AS3MT: variants seen among roughly 807,000 people sequenced by gnomAD.
AS3MT encodes arsenite methyltransferase.
AS3MT carries 47 observed loss-of-function variants against 45.3 expected under a neutral mutation model. The observed-to-expected ratio is 1.04, with a 90% CI of 0.82 to 1.32. The LOEUF (loss-of-function observed/expected upper bound fraction) is 1.32, where lower values mean the gene tolerates loss of function less well. Ranked by LOEUF, AS3MT falls within the 40% of genes most tolerant of loss-of-function variation. The pLI is 0.00. For missense variants in AS3MT, 396 were observed against 451.1 expected (o/e 0.88, Z 1.11); for synonymous variants, 141 against 152.8 (o/e 0.92, Z 0.57).
intron 10 of AS3MT, among the ~76,000 whole-genome samples, chr10:102,895,492 C>T (rs770012904): frequency 4.6e-5 from 7 of 152,050 alleles, no homozygotes; most frequent in East Asian, 3.9e-4. Flanking sequence ...TGAACTACCA[C>T]GCCCGGGTCT....
intron 7 of AS3MT, 73 bp downstream of exon 7, chr10:102,877,108 C>CTCATCCTGGCTATT: frequency 1.4e-6 from 2 of 1,397,778 alleles, no homozygotes; most frequent in Non-Finnish European, 2.0e-6. Flanking sequence ...TGCTAATAGC[C>CTCATCCTGGCTATT]AGGATGAGGC....
At position 102,872,505 on chromosome 10, in the gene AS3MT, T is replaced by A. The variant is rs1334678689; in HGVS notation, c.228T>A (p.Asp76Glu). The A allele has an allele frequency of 3.1e-6, 5 of 1,614,108 alleles. No individual in the cohort carries two copies. The highest frequency in any genetic ancestry group is 4.2e-6 in the Non-Finnish European group (5 of 1,179,986). Reference sequence around the variant, plus strand: ...ATCTAGAAAACTGCTGGATTTTGGATCTGGGTAGTGGAAGTGGCAGAGATT... The same window carrying A: ...ATCTAGAAAACTGCTGGATTTTGGAACTGGGTAGTGGAAGTGGCAGAGATT... ...PEHLENCWIL[D>E]LGSGSGRDCY... The change falls in exon 4 of 11, where the codon GAT becomes GAA. Residue 76 changes from aspartate (D) to glutamate (E), a missense_variant. Asp to Glu is a conservative substitution (Grantham distance 45). Coordinates refer to ENST00000369880, the MANE Select transcript of AS3MT (RefSeq NM_020682.4).
intron 10 of AS3MT, among the ~76,000 whole-genome samples, chr10:102,899,925 T>C (rs10883797): frequency 0.3 from 45,501 of 152,006 alleles, 7,061 homozygotes; most frequent in East Asian, 0.47. Flanking sequence ...CCTCGGCCTC[T>C]CAAAGTGCTG....
chr10:102,900,275 T>C (rs1462514471), intron 10 of AS3MT, among the ~76,000 whole-genome samples: 1 of 152,212 alleles, frequency 6.6e-6, no homozygotes, highest in South Asian at 2.1e-4. Flanking sequence ...CGTATCTCAG[T>C]TCCAAAGAGG....
chr10:102,878,053 T>G (rs564497260), intron 7 of AS3MT, among the ~76,000 whole-genome samples: 2 of 152,118 alleles, frequency 1.3e-5, no homozygotes, highest in East Asian at 3.9e-4. Context: ...GCTCGGCCTA[T>G]GATTTATTTT....
chr10:102,874,568 G>A (rs375086833), intron 5 of AS3MT, 24 bp from the exon 6 acceptor site: 16 of 1,544,100 alleles, frequency 1.0e-5, no homozygotes, highest in Middle Eastern at 1.7e-4. Flanking sequence ...AGATTTGCTC[G>A]ACATTTCATC....
chr10:102,882,591 T>G (rs905122605), intron 9 of AS3MT, among the ~76,000 whole-genome samples: 10 of 152,060 alleles, frequency 6.6e-5, no homozygotes, highest in Admixed American at 6.6e-5. Context: ...TTCTTATTTA[T>G]TTATTTATTT....
At chr10:102,876,832 G>A (rs1056895011) in intron 6 of AS3MT, 122 bp from the exon 7 acceptor site, 16 of 944,848 alleles carry the variant, frequency 1.7e-5, no homozygotes, top group Non-Finnish European at 2.6e-5. Flanking sequence ...GTTCACAAAG[G>A]GTCAGCTTAA....
At chr10:102,875,952 A>C (rs540953631) in intron 6 of AS3MT, among the ~76,000 whole-genome samples, 2 of 152,128 alleles carry the variant, frequency 1.3e-5, no homozygotes, top group Admixed American at 6.6e-5. Flanking sequence ...GATTTTTGAG[A>C]TTTTTGGTTT....
intron 10 of AS3MT, among the ~76,000 whole-genome samples, chr10:102,894,923 T>C (rs1398743039): frequency 6.6e-6 from 1 of 152,240 alleles, no homozygotes; most frequent in African/African-American, 2.4e-5. Flanking sequence ...TATGTATTGA[T>C]TGATGTCTTA....
chr10:102,879,053 T>A, intron 9 of AS3MT, 62 bp downstream of exon 9: 1 of 1,538,784 alleles, frequency 6.5e-7, no homozygotes, highest in Non-Finnish European at 8.8e-7. Flanking sequence ...GCTCCAGCTA[T>A]CTTTTCTTGA....
chr10:102,883,984 T>C (rs1402865187), intron 9 of AS3MT, among the ~76,000 whole-genome samples: 2 of 148,560 alleles, frequency 1.3e-5, no homozygotes, highest in East Asian at 1.9e-4. Context: ...TTATTTCTTT[T>C]TTTTTTTTTT....
At position 102,874,592 on chromosome 10, in the gene AS3MT, A is replaced by G; in HGVS notation, c.459A>G (p.Val153=). 1 of 1,599,202 alleles carries G rather than the reference A, an allele frequency of 6.3e-7. No homozygotes were observed. Residue 153 remains valine (V), a splice_region_variant and synonymous_variant, in exon 6 of 11, where the codon GTA becomes GTG. Transcript: ENST00000369880. ...CGACATTTCATCTGTTCTCTTTTAG[A>G]TCAAACTGTGTTATTAACCTTGTGC... ...GIKNESHDIV[V]SNCVINLVPD...
rs900245087 is a variant in AS3MT at position 102,885,120 on chromosome 10, A to G, written c.886-5424A>G. Among the ~76,000 whole-genome samples the G allele has an allele frequency of 2.6e-5, 4 of 152,122 alleles. No individual in the cohort carries two copies. In the East Asian group the frequency reaches 5.8e-4, roughly 22 times the overall value. ...ATTAAACTGGATTTTGTACTCATTA[A>G]TCAAGCTCTCTTCATCCTCCCCACT... is the stretch of plus-strand genomic sequence containing the variant. On this transcript the variant is annotated intron_variant, in intron 9 of 10. Coordinates refer to ENST00000369880, the MANE Select transcript of AS3MT (RefSeq NM_020682.4).
At chr10:102,882,030 C>T (rs1844873601) in intron 9 of AS3MT, among the ~76,000 whole-genome samples, 1 of 151,908 alleles carries the variant, frequency 6.6e-6, no homozygotes, top group African/African-American at 2.4e-5. Context: ...AGCTCCACCT[C>T]CCGGGTTCAC....
rs1241017211 is a variant in AS3MT, at chr10:102,874,818, G to A, written c.528+157G>A. 2.0e-5 allele frequency among the ~76,000 whole-genome samples: 3 copies of A among 152,130 alleles called. No homozygotes were observed. The East Asian group carries it at 5.8e-4, about 29-fold the overall frequency. The stretch of plus-strand genomic sequence containing the variant: ...AAGGGGGAAGGGGCAGGAATACCCC[G>A]GATATGGATTACTTTCCCTCTTAGG... On this transcript the variant is annotated intron_variant, in intron 6 of 10. Coordinates refer to ENST00000369880, the MANE Select transcript of AS3MT (RefSeq NM_020682.4).
rs1327664761 is a variant in AS3MT at position 102,886,481 on chromosome 10, C to T, written c.886-4063C>T. On this transcript the variant is annotated intron_variant, in intron 9 of 10. Transcript: ENST00000369880. ...CTGGGATTACAGGCATGCACCACCA[C>T]GCCTGGCTAATTTTTTTGTATTTTT... Among the ~76,000 whole-genome samples, 6 of 152,090 alleles carry T rather than the reference C, an allele frequency of 3.9e-5. No homozygotes were observed. In the East Asian group the frequency reaches 7.7e-4, roughly 20 times the overall value.
At chr10:102,872,969 A>T (rs1463820864) in intron 4 of AS3MT, 128 bp from the exon 5 acceptor site, 1 of 803,014 alleles carries the variant, frequency 1.2e-6, no homozygotes, top group East Asian at 2.8e-5. Context: ...CTACGTGTCC[A>T]CAGGAATCTT....
At chr10:102,898,415 G>A (rs111638521) in intron 10 of AS3MT, among the ~76,000 whole-genome samples, 16,490 of 151,974 alleles carry the variant, frequency 0.11, 913 homozygotes, top group Middle Eastern at 0.18. Flanking sequence ...GTCTAACATG[G>A]TGAAACCCCC....
Sources: allele counts gnomAD v4.1 joint callset (sites outside exome capture counted in the v4.1 genomes callset), GRCh38; gene constraint gnomAD v4.1.1; transcripts MANE v1.5; gene names NCBI Gene and HGNC (gene_info 2026-07-23, HGNC 2026-07-21).